The following SCRN3 variants were observed in gnomAD, a reference collection of about 807,000 sequenced individuals.
SCRN3 encodes the protein secernin-3.
A neutral mutation model predicts 43.1 loss-of-function variants in SCRN3; 39 were observed. The observed-to-expected ratio is 0.91, with a 90% CI of 0.70 to 1.18. The LOEUF (loss-of-function observed/expected upper bound fraction) is 1.18. Among genes scored for constraint, SCRN3 ranks in the 50% most tolerant of loss-of-function variants. The pLI is 0.00. For missense variants in SCRN3, 484 were observed against 498.0 expected (o/e 0.97, Z 0.27); for synonymous variants, 147 against 163.1 (o/e 0.90, Z 0.75).
chr2:174,396,885 T>C (rs1025410768), intron 1 of SCRN3: 2 of 155,944 alleles, frequency 1.3e-5, no homozygotes, highest in African/African-American at 4.8e-5. Context: ...TGTGAGTATC[T>C]ACTATGTTCT....
chr2:174,412,027 C>T (rs907596230), intron 5 of SCRN3, among the ~76,000 whole-genome samples: 4 of 152,124 alleles, frequency 2.6e-5, no homozygotes, highest in African/African-American at 9.7e-5. Context: ...AAACTCTACT[C>T]TGTCTCTCTC....
Position 174,424,479 on chromosome 2 carries a change from G to A in SCRN3, c.922G>A (p.Val308Ile). Residue 308 changes from valine (V) to isoleucine (I), a missense_variant, in exon 7 of 8, where the codon GTT (valine) becomes ATT (isoleucine). Coordinates refer to ENST00000272732, the MANE Select transcript of SCRN3 (RefSeq NM_024583.5). ...AATAAAGACTCTTTTTTCTAGATCT[G>A]TTTTTAAGCCTTTCATATTTGTGCC... is the stretch of plus-strand genomic sequence containing the variant. ...FTGTPDPERSVFKPFIFVPHI... is the reference protein window; with the variant it reads ...FTGTPDPERSIFKPFIFVPHI... The A allele has an allele frequency of 6.3e-7, 1 of 1,595,024 alleles. No homozygotes were observed. The highest frequency in any genetic ancestry group is 8.6e-7 in the Non-Finnish European group (1 of 1,167,884).
At chr2:174,423,076 A>AG (rs1248976155) in intron 6 of SCRN3, 29 bp downstream of exon 6, 3 of 1,594,534 alleles carry the variant, frequency 1.9e-6, no homozygotes, top group African/African-American at 2.7e-5. Context: ...ATAAACCAGC[A>AG]AGGGGTCAGG....
At chr2:174,398,589 T>A (rs1252533369) in intron 2 of SCRN3, 147 bp downstream of exon 2, 1 of 603,484 alleles carries the variant, frequency 1.7e-6, no homozygotes, top group African/African-American at 2.0e-5. Context: ...TAAACTGTGA[T>A]CTTTTATTTC....
intron 5 of SCRN3, among the ~76,000 whole-genome samples, chr2:174,418,117 T>C (rs1686178596): frequency 6.6e-6 from 1 of 152,168 alleles, no homozygotes; most frequent in Non-Finnish European, 1.5e-5. Flanking sequence ...ATAAGCCAAT[T>C]AGCTACTACA....
chr2:174,415,065 A>G (rs1277031537), intron 5 of SCRN3, among the ~76,000 whole-genome samples: 1 of 152,138 alleles, frequency 6.6e-6, no homozygotes, highest in African/African-American at 2.4e-5. Context: ...GCACCCAGCC[A>G]AGCCACCGCA....
intron 5 of SCRN3, among the ~76,000 whole-genome samples, chr2:174,421,154 T>G (rs1686280902): frequency 6.6e-6 from 1 of 152,198 alleles, no homozygotes; most frequent in Non-Finnish European, 1.5e-5. Flanking sequence ...TTCTAAAGAT[T>G]GTAAAATGAC....
At chr2:174,417,321 G>A (rs931725495) in intron 5 of SCRN3, among the ~76,000 whole-genome samples, 7 of 152,182 alleles carry the variant, frequency 4.6e-5, no homozygotes, top group African/African-American at 1.7e-4. Context: ...AGGAGTAGCT[G>A]TTGCAGCAAC....
intron 2 of SCRN3, among the ~76,000 whole-genome samples, chr2:174,399,668 C>T (rs1685436169): frequency 6.6e-6 from 1 of 152,124 alleles, no homozygotes; most frequent in African/African-American, 2.4e-5. Context: ...ATCTTTGTAA[C>T]TAACATATCT....
intron 1 of SCRN3, chr2:174,397,320 G>A (rs1685359581): frequency 1.0e-6 from 1 of 985,184 alleles, no homozygotes. Flanking sequence ...GTAAAACAAT[G>A]TGTCTGTTCT....
chr2:174,404,062 T>C, intron 4 of SCRN3, 41 bp from the exon 5 acceptor site: 2 of 1,462,344 alleles, frequency 1.4e-6, no homozygotes, highest in Non-Finnish European at 1.9e-6. Flanking sequence ...ATGTTAAATA[T>C]GACTTTTCTT....
chr2:174,398,517 T>C lies in SCRN3; in HGVS notation c.159+75T>C. On this transcript the variant is annotated intron_variant, in intron 2 of 7. Coordinates refer to ENST00000272732, the MANE Select transcript of SCRN3 (RefSeq NM_024583.5). ...AAAGTTATTTCTATACATAGCAATT[T>C]GGAAGAAACTGTAGAAGTTAAAATT... 3 of 1,267,598 alleles carry C rather than the reference T, an allele frequency of 2.4e-6. No homozygotes were observed. In the South Asian group the frequency reaches 4.5e-5, roughly 19 times the overall value. 78.5% of individuals were successfully genotyped at this position (1,267,598 alleles called of 1,614,324 possible).
rs1463939818 is a variant in SCRN3 at position 174,408,620 on chromosome 2, C to T, written c.754+4305C>T. ...ACCGGTTGTTCCTTTCCATGTTTAG[C>T]GCTTCCTTCAGGAGCTCTTTTAGGG... On this transcript the variant is annotated intron_variant, in intron 5 of 7. Transcript: ENST00000272732. 1.2e-4 allele frequency among the ~76,000 whole-genome samples: 17 copies of T among 139,942 alleles called. No individual in the cohort carries two copies. In the East Asian group the frequency reaches 3.3e-3, roughly 27 times the overall value. The allele number at this position is 139,942 out of a possible 152,430, so 91.8% of individuals were successfully genotyped here.
In SCRN3 at chr2:174,401,802, A is replaced by G. The variant is rs1307212000; in HGVS notation, c.541+613A>G. ...AAAGACCTAGAATTTAAATCTTTTC[A>G]TCTTGAATCTCATCACTAGAACATA... On this transcript the variant is annotated intron_variant, in intron 4 of 7. Coordinates refer to ENST00000272732, the MANE Select transcript of SCRN3 (RefSeq NM_024583.5). Among the ~76,000 whole-genome samples, 7 of 152,204 alleles carry G rather than the reference A, an allele frequency of 4.6e-5. No homozygotes were observed. In the East Asian group the frequency reaches 1.3e-3, roughly 29 times the overall value.
intron 5 of SCRN3, among the ~76,000 whole-genome samples, chr2:174,411,369 A>G (rs1238578672): frequency 6.6e-6 from 1 of 152,188 alleles, no homozygotes; most frequent in Non-Finnish European, 1.5e-5. Context: ...CACTGAAAAT[A>G]TTTGTTACAT....
chr2:174,427,484 T>C (rs1377223130), intron 7 of SCRN3, among the ~76,000 whole-genome samples: 3 of 152,188 alleles, frequency 2.0e-5, no homozygotes, highest in Non-Finnish European at 4.4e-5. Flanking sequence ...TATAATTGTT[T>C]TTGTCTTTTC....
rs1686579255 is a variant in SCRN3 at position 174,429,062 on chromosome 2, G to T, written c.*1167G>T. The T allele has an allele frequency of 6.6e-6, 1 of 152,148 alleles. No homozygotes were observed. 9.4% of individuals were successfully genotyped at this position (152,148 alleles called of 1,614,324 possible). On this transcript the variant is annotated 3_prime_UTR_variant, in exon 8 of 8. Transcript: ENST00000272732. Reference sequence around the variant, plus strand: ...CTCTCATAAATACCATCGTCTGCCTGATACTGCTCTTGTCTAATAGAGGGT... The same window carrying T: ...CTCTCATAAATACCATCGTCTGCCTTATACTGCTCTTGTCTAATAGAGGGT...
At chr2:174,413,969 G>C (rs1352092959) in intron 5 of SCRN3, among the ~76,000 whole-genome samples, 2 of 152,098 alleles carry the variant, frequency 1.3e-5, no homozygotes, top group Non-Finnish European at 2.9e-5. Context: ...ATTGCTGTCT[G>C]CATAGAATGA....
At position 174,428,768 on chromosome 2, in the gene SCRN3, T is replaced by C. The variant is rs150813129; in HGVS notation, c.*873T>C. 1.1e-4 allele frequency: 17 copies of C among 152,350 alleles called. No individual in the cohort carries two copies. The highest frequency in any genetic ancestry group is 3.3e-4 in the Admixed American group (5 of 15,304). 9.4% of individuals were successfully genotyped at this position (152,350 alleles called of 1,614,324 possible). ...ATGCATTATATATTATGAACTTTTA[T>C]GAACTTTATACATGAGTAATAGCTT... is the stretch of plus-strand genomic sequence containing the variant. On this transcript the variant is annotated 3_prime_UTR_variant, in exon 8 of 8. Coordinates refer to ENST00000272732, the MANE Select transcript of SCRN3 (RefSeq NM_024583.5).
Sources: allele counts gnomAD v4.1 joint callset (sites outside exome capture counted in the v4.1 genomes callset), GRCh38; gene constraint gnomAD v4.1.1; transcripts MANE v1.5; gene names NCBI Gene and HGNC (gene_info 2026-07-23, HGNC 2026-07-21).